The following ATP11A variants were observed in gnomAD, a reference collection of about 807,000 sequenced individuals.
The protein encoded by ATP11A is phospholipid-transporting ATPase IH.
ATP11A carries 81 observed loss-of-function variants against 154.4 expected under a neutral mutation model. The observed-to-expected ratio is 0.52, with a 90% CI of 0.44 to 0.63. ATP11A has a LOEUF of 0.63. ATP11A is among the 30% of genes least tolerant of loss of function. The pLI is 0.00. For missense variants in ATP11A, 1,316 were observed against 1,474.3 expected (o/e 0.89, Z 1.76); for synonymous variants, 623 against 585.9 (o/e 1.06, Z -0.91).
chr13:112,708,624 T>C (rs73576414), intron 1 of ATP11A, among the ~76,000 whole-genome samples: 3,076 of 152,330 alleles, frequency 0.02, 89 homozygotes, highest in African/African-American at 0.07. Context: ...TATTGATTTC[T>C]ATCAACATGT....
chr13:112,728,838 T>C (rs1014611234), intron 1 of ATP11A, among the ~76,000 whole-genome samples: 7 of 152,154 alleles, frequency 4.6e-5, no homozygotes, highest in Admixed American at 3.3e-4. Context: ...ATGGAATGGA[T>C]ATACAAACAG....
intron 1 of ATP11A, among the ~76,000 whole-genome samples, chr13:112,710,960 C>T (rs61961120): frequency 2.2e-3 from 112 of 51,548 alleles, no homozygotes; most frequent in South Asian, 0.012. Context: ...GCCAACCACC[C>T]GGAGCCACCC....
At chr13:112,730,440 C>T (rs1264795072) in intron 1 of ATP11A, among the ~76,000 whole-genome samples, 1 of 152,196 alleles carries the variant, frequency 6.6e-6, no homozygotes, top group Admixed American at 6.5e-5. Context: ...AATCTGGAAC[C>T]TCGTGGCTGG....
intron 1 of ATP11A, among the ~76,000 whole-genome samples, chr13:112,712,716 A>T (rs1232174900): frequency 6.6e-6 from 1 of 152,100 alleles, no homozygotes; most frequent in Admixed American, 6.5e-5. Context: ...GCCGGACCAC[A>T]GTCGGTGAGG....
chr13:112,855,545 G>A (rs2079897087), intron 19 of ATP11A, among the ~76,000 whole-genome samples: 1 of 152,140 alleles, frequency 6.6e-6, no homozygotes, highest in South Asian at 2.1e-4. Flanking sequence ...AGGTCATCCA[G>A]GCAGAAACCC....
intron 1 of ATP11A, among the ~76,000 whole-genome samples, chr13:112,731,947 C>A (rs1890529162): frequency 7.8e-6 from 1 of 128,482 alleles, no homozygotes; most frequent in African/African-American, 3.5e-5. Flanking sequence ...CGGGGGGGGG[C>A]AGGTGGCCCA....
chr13:112,707,713 C>G (rs145484123), intron 1 of ATP11A, among the ~76,000 whole-genome samples: 3 of 152,306 alleles, frequency 2.0e-5, no homozygotes, highest in African/African-American at 7.2e-5. Flanking sequence ...TTATTCTACA[C>G]AACAAAAACA....
chr13:112,870,121 A>G (rs1237527466), intron 25 of ATP11A, among the ~76,000 whole-genome samples: 1 of 152,106 alleles, frequency 6.6e-6, no homozygotes, highest in African/African-American at 2.4e-5. Flanking sequence ...TCCAAGCCAG[A>G]AGGAGGAGGC....
intron 2 of ATP11A, among the ~76,000 whole-genome samples, chr13:112,787,490 C>A (rs1288012594): frequency 9.4e-6 from 1 of 106,904 alleles, no homozygotes; most frequent in African/African-American, 5.7e-5. Context: ...TAATTCACAC[C>A]GGGTGTCCTG....
chr13:112,873,498 T>A, intron 26 of ATP11A, 75 bp from the exon 27 acceptor site: 1 of 1,159,280 alleles, frequency 8.6e-7, no homozygotes, highest in Non-Finnish European at 1.2e-6. Context: ...ACCCCCCGGC[T>A]CTCTGTCCTG....
chr13:112,870,980 C>T (rs1319544265), intron 25 of ATP11A, among the ~76,000 whole-genome samples: 1 of 152,216 alleles, frequency 6.6e-6, no homozygotes, highest in Non-Finnish European at 1.5e-5. Context: ...CACTGACCTT[C>T]CCTCCTCCAC....
At chr13:112,800,951 C>T (rs1242301668) in intron 2 of ATP11A, among the ~76,000 whole-genome samples, 1 of 152,200 alleles carries the variant, frequency 6.6e-6, no homozygotes, top group Non-Finnish European at 1.5e-5. Flanking sequence ...ACTACCCACT[C>T]ATGTACTGCA....
chr13:112,854,622 G>C, intron 19 of ATP11A, 92 bp downstream of exon 19: 1 of 1,437,878 alleles, frequency 7.0e-7, no homozygotes, highest in Non-Finnish European at 9.3e-7. Flanking sequence ...GAGCCGCATT[G>C]TCTCTACTGG....
chr13:112,789,508 T>C (rs1350399998), intron 2 of ATP11A, among the ~76,000 whole-genome samples: 2 of 148,726 alleles, frequency 1.3e-5, no homozygotes, highest in East Asian at 4.1e-4. Flanking sequence ...TGTAGACCCT[T>C]GCGGAGACCT....
rs2080027618 is a variant in ATP11A, at chr13:112,859,214, CAT to C, written c.2668-178_2668-177del. The C allele has an allele frequency of 3.1e-6, 2 of 635,072 alleles. No homozygotes were observed. The highest frequency in any genetic ancestry group is 3.5e-4 in the Middle Eastern group (1 of 2,854). 39.3% of individuals were successfully genotyped at this position (635,072 alleles called of 1,614,324 possible). A position where few individuals can be genotyped will look rare whatever the true frequency, so the allele number is the denominator to read the frequency against. On this transcript the variant is annotated intron_variant, in intron 22 of 29. Transcript: ENST00000375645. This position sits in a 1 kb window ranked among gnomAD's most constrained non-coding sequence, Gnocchi z 4.3. ...GTCCTGAGTGGCCAAAACGTGGTCA[CAT>C]GTGCATTTCAGTTGCCCCTGAAATA... is the stretch of plus-strand genomic sequence containing the variant.
At chr13:112,836,372 A>T (rs970916513) in intron 16 of ATP11A, 121 bp downstream of exon 16, 20 of 580,444 alleles carry the variant, frequency 3.4e-5, no homozygotes, top group Non-Finnish European at 5.5e-5. Context: ...TTCTTTTTTT[A>T]AAAACTATAG....
intron 1 of ATP11A, among the ~76,000 whole-genome samples, chr13:112,775,242 A>G (rs563804583): frequency 6.6e-6 from 1 of 152,360 alleles, no homozygotes; most frequent in East Asian, 1.9e-4. Flanking sequence ...GGTTGGCAGA[A>G]CACGGCGTGA....
intron 16 of ATP11A, among the ~76,000 whole-genome samples, chr13:112,839,888 T>A (rs926587477): frequency 2.6e-5 from 4 of 152,198 alleles, no homozygotes; most frequent in African/African-American, 9.7e-5. Flanking sequence ...ATTATGTCAT[T>A]TGGACCACAG....
At chr13:112,743,690 A>G (rs1281468617) in intron 1 of ATP11A, among the ~76,000 whole-genome samples, 3 of 152,226 alleles carry the variant, frequency 2.0e-5, no homozygotes, top group Non-Finnish European at 4.4e-5. Flanking sequence ...GGTTCCTGCT[A>G]GAGTTGACGG....
Sources: gnomAD v4.1 joint callset for allele counts (sites outside exome capture counted in the v4.1 genomes callset) on GRCh38, gnomAD v4.1.1 for gene constraint, Gnocchi (gnomAD v3.1) non-coding constraint, MANE v1.5 for transcripts, NCBI Gene and HGNC (gene_info 2026-07-23, HGNC 2026-07-21) for gene names.